The following ASIC3 variants were observed in gnomAD, a reference collection of about 807,000 sequenced individuals.
ASIC3 encodes the protein acid sensing ion channel subunit 3.
ASIC3 carries 46 observed loss-of-function variants against 58.6 expected under a neutral mutation model. The ratio of observed to expected loss-of-function variants is 0.79; its 90% confidence interval spans 0.62 to 1.00. The LOEUF (loss-of-function observed/expected upper bound fraction) is 1.00. ASIC3 is among the 50% of genes least tolerant of loss of function. The pLI, the probability that ASIC3 is intolerant of heterozygous loss-of-function variation, is 0.00. For missense variants in ASIC3, 770 were observed against 735.0 expected (o/e 1.05, Z -0.55); for synonymous variants, 336 against 300.2 (o/e 1.12, Z -1.23).
In ASIC3 at chr7:151,051,889, T is replaced by A. The variant is rs772144675; in HGVS notation, c.1294T>A (p.Ser432Thr). Residue 432 changes from serine (S) to threonine (T), a missense_variant, in exon 7 of 11, where the codon TCA becomes ACA. Transcript: ENST00000349064. ...TVEQKKAYEM[S>T]ELLGDIGGQM... ...GGAGCAGAAGAAGGCCTATGAGATG[T>A]CAGAGCTGCTTGGTGTGTGTGCAGG... 6.2e-7 allele frequency: 1 copy of A among 1,613,204 alleles called. No homozygotes were observed. Among genetic ancestry groups the A allele is most frequent in the South Asian group, 1.1e-5 (1 of 91,026 alleles).
chr7:151,051,005 G>A, intron 4 of ASIC3, 34 bp from the exon 5 acceptor site: 1 of 1,613,194 alleles, frequency 6.2e-7, no homozygotes, highest in Non-Finnish European at 8.5e-7. Flanking sequence ...GGGAGCTGAG[G>A]CTGCTTCTAA....
Position 151,050,334 on chromosome 7 carries a change from G to A in ASIC3, c.685+78G>A. ...CTAGGGGAAGGAGAGGAGGAGAGGAGGTGTCAGGGTGTTCCCCCAGAACCT... is the reference window on the plus strand; with the variant it reads ...CTAGGGGAAGGAGAGGAGGAGAGGAAGTGTCAGGGTGTTCCCCCAGAACCT... On this transcript the variant is annotated intron_variant, in intron 2 of 10. Coordinates refer to ENST00000349064, the MANE Select transcript of ASIC3 (RefSeq NM_004769.4). 1.9e-6 allele frequency: 3 copies of A among 1,554,542 alleles called. No homozygotes were observed. In the South Asian group the frequency reaches 3.6e-5, roughly 19 times the overall value.
rs774467659 is a variant in ASIC3 at position 151,049,371 on chromosome 7, G to T, written c.486G>T (p.Leu162=). The T allele has an allele frequency of 2.1e-5, 33 of 1,608,024 alleles. No individual in the cohort carries two copies. In the African/African-American group the frequency reaches 3.3e-4, roughly 16 times the overall value. Residue 162 remains leucine, a synonymous_variant, in exon 1 of 11, where the codon CTG becomes CTT. Transcript: ENST00000349064. The part of the protein sequence containing the change: ...RAGHSLDDML[L]DCRFRGQPCG... ...GGCACTCCCTGGATGACATGCTGCT[G>T]GACTGTCGCTTCCGTGGCCAACCTT...
In ASIC3 at chr7:151,052,245, C is replaced by T. The variant is rs778252681; in HGVS notation, c.1458+8C>T. ...CACTCCAGCACCAATCTGGTAACAG[C>T]CCCTCTTCTGGAGCCCTTGCCTGCT... On this transcript the variant is annotated splice_region_variant and intron_variant, in intron 9 of 10. Coordinates refer to ENST00000349064, the MANE Select transcript of ASIC3 (RefSeq NM_004769.4). This position sits in a 1 kb window ranked among gnomAD's most constrained non-coding sequence, Gnocchi z 5.0. 1 of 1,614,014 alleles carries T rather than the reference C, an allele frequency of 6.2e-7. No individual in the cohort carries two copies. Among genetic ancestry groups the T allele is most frequent in the Non-Finnish European group, 8.5e-7 (1 of 1,179,982 alleles).
intron 7 of ASIC3, 34 bp downstream of exon 7, chr7:151,051,935 G>A (rs368220067): frequency 5.6e-6 from 9 of 1,613,598 alleles, no homozygotes; most frequent in Non-Finnish European, 7.6e-6. Context: ...CTGGGGGGGT[G>A]TGGGCAGGCA....
In ASIC3 at chr7:151,050,870, C is replaced by T; in HGVS notation, c.926C>T (p.Pro309Leu). The change falls in exon 4 of 11, where the codon CCC (proline) becomes CTC (leucine). Residue 309 changes from proline (P) to leucine (L), a missense_variant. By Grantham distance (98) the Pro-to-Leu change is moderately conservative. Transcript: ENST00000349064. ...LGSPSPSPSP[P>L]YTLMGCRLAC... is the part of the protein sequence containing the mutation. ...TCCCCCAGCCCCAGCCCCAGCCCTC[C>T]CTATACCCTTATGGGGTGTCGCCTG... The T allele has an allele frequency of 6.2e-7, 1 of 1,613,438 alleles. No individual in the cohort carries two copies. The highest frequency in any genetic ancestry group is 1.3e-5 in the African/African-American group (1 of 75,062).
rs761260925 is a variant in ASIC3, at chr7:151,050,281, G to A, written c.685+25G>A. 2.4e-5 allele frequency: 39 copies of A among 1,603,936 alleles called. No homozygotes were observed. The South Asian group carries it at 3.8e-4, about 15-fold the overall frequency. Reference sequence around the variant, plus strand: ...GGTAGGGAGCACACAAATGAGGCTGGGGGAGGGCACGGATGGAGTGCAAAA... The same window carrying A: ...GGTAGGGAGCACACAAATGAGGCTGAGGGAGGGCACGGATGGAGTGCAAAA... On this transcript the variant is annotated intron_variant, in intron 2 of 10. Transcript: ENST00000349064.
At position 151,052,385 on chromosome 7, in the gene ASIC3, C is replaced by G; in HGVS notation, c.1459-31C>G. ...ACTGGTCCCTGGGAGGAGGACCACTCCCCACCTCTGACCCTCTCGTCCTCA... is the reference window on the plus strand; with the variant it reads ...ACTGGTCCCTGGGAGGAGGACCACTGCCCACCTCTGACCCTCTCGTCCTCA... On this transcript the variant is annotated intron_variant, in intron 9 of 10. Coordinates refer to ENST00000349064, the MANE Select transcript of ASIC3 (RefSeq NM_004769.4). The surrounding 1 kb of genome is among the most constrained non-coding windows in gnomAD (Gnocchi z 5.0). 2 of 1,613,744 alleles carry G rather than the reference C, an allele frequency of 1.2e-6. No individual in the cohort carries two copies. Among genetic ancestry groups the G allele is most frequent in the African/African-American group, 2.7e-5 (2 of 75,016 alleles).
Position 151,050,830 on chromosome 7 carries a change from T to C in ASIC3, c.886T>C (p.Ser296Pro), listed in dbSNP as rs900351231. The C allele has an allele frequency of 1.2e-6, 2 of 1,613,576 alleles. No homozygotes were observed. The highest frequency in any genetic ancestry group is 1.7e-6 in the Non-Finnish European group (2 of 1,179,850). The part of the protein sequence containing the change: ...SLNPNYEPEP[S>P]DPLGSPSPSP... ...GAACCCCAACTATGAGCCAGAGCCC[T>C]CTGATCCCCTAGGCTCCCCCAGCCC... Residue 296 changes from serine (S) to proline (P), a missense_variant, in exon 4 of 11, where the codon TCT becomes CCT. Transcript: ENST00000349064.
chr7:151,052,132 T>G lies in ASIC3; in HGVS notation c.1387-34T>G, dbSNP rs769745881. On this transcript the variant is annotated intron_variant, in intron 8 of 10. Transcript: ENST00000349064. The surrounding 1 kb of genome is among the most constrained non-coding windows in gnomAD (Gnocchi z 5.0). Reference sequence around the variant, plus strand: ...GGCCCCTAGGATGAGGGGGAAGGTGTGCACTGGCCACCTCCCATCCTGCTT... The same window carrying G: ...GGCCCCTAGGATGAGGGGGAAGGTGGGCACTGGCCACCTCCCATCCTGCTT... The G allele has an allele frequency of 5.0e-6, 8 of 1,613,438 alleles. 1 individual carries two copies. In the Admixed American group the frequency reaches 1.0e-4, roughly 20 times the overall value.
chr7:151,051,668 G>A (rs1042934971), intron 6 of ASIC3, 142 bp from the exon 7 acceptor site: 10 of 824,586 alleles, frequency 1.2e-5, no homozygotes, highest in Admixed American at 2.2e-5. Context: ...TCCTCCCAAA[G>A]TGCAGGGAGT....
chr7:151,051,281 C>T lies in ASIC3; in HGVS notation c.1176C>T (p.Phe392=). 6.6e-7 allele frequency: 1 copy of T among 1,526,388 alleles called. No homozygotes were observed. The highest frequency in any genetic ancestry group is 8.7e-7 in the Non-Finnish European group (1 of 1,144,856). The allele number at this position is 1,526,388 out of a possible 1,614,324, so 94.6% of individuals were successfully genotyped here. Reference sequence around the variant, plus strand: ...TCCCGAGCCGCGCCGCCGCGCGCTTCCTGGCCCGGAAGCTCAACCGCAGCG... The same window carrying T: ...TCCCGAGCCGCGCCGCCGCGCGCTTTCTGGCCCGGAAGCTCAACCGCAGCG... ...VRIPSRAAAR[F]LARKLNRSEA... The change falls in exon 6 of 11, where the codon TTC becomes TTT. Residue 392 remains phenylalanine, a synonymous_variant. Transcript: ENST00000349064.
intron 1 of ASIC3, 100 bp downstream of exon 1, chr7:151,049,519 C>A: frequency 7.1e-7 from 1 of 1,401,306 alleles, no homozygotes. Flanking sequence ...TCCCCCAAAG[C>A]CAGGGGACCT....
rs937275205 is a variant in ASIC3 at position 151,051,700 on chromosome 7, C to T, written c.1215-110C>T. The T allele has an allele frequency of 1.3e-4, 145 of 1,152,494 alleles. 2 individuals carry two copies. The highest frequency in any genetic ancestry group is 1.7e-4 in the Non-Finnish European group (137 of 790,382). The allele number at this position is 1,152,494 out of a possible 1,614,324, so 71.4% of individuals were successfully genotyped here. A position where few individuals can be genotyped will look rare whatever the true frequency, so the allele number is the denominator to read the frequency against. ...GAGTACAGGTGTGAGCCACCGTGCC[C>T]GGCCTCTCCCAGGGTTCTTGAAAGG... On this transcript the variant is annotated intron_variant, in intron 6 of 10. Transcript: ENST00000349064.
At chr7:151,051,457 G>A in intron 6 of ASIC3, 138 bp downstream of exon 6, 3 of 1,151,526 alleles carry the variant, frequency 2.6e-6, no homozygotes, top group Non-Finnish European at 3.5e-6. Flanking sequence ...CTGGGGCTCC[G>A]TGCTGGTTGC....
At chr7:151,050,286 G>A (rs905419892) in intron 2 of ASIC3, 30 bp downstream of exon 2, 13 of 1,599,644 alleles carry the variant, frequency 8.1e-6, no homozygotes, top group Admixed American at 1.7e-5. Context: ...GGCTGGGGGA[G>A]GGCACGGATG....
Position 151,051,096 on chromosome 7 carries a change from G to A in ASIC3, c.1066+1G>A. Reference sequence around the variant, plus strand: ...AAGAACTGTGCCCACCCGGCCATAGGTAAGGGCGAGCCTCCCCCACCTCCC... The same window carrying A: ...AAGAACTGTGCCCACCCGGCCATAGATAAGGGCGAGCCTCCCCCACCTCCC... On this transcript the variant is annotated splice_donor_variant, in intron 5 of 10. Transcript: ENST00000349064. LOFTEE classifies it high-confidence loss of function. The A allele has an allele frequency of 6.2e-7, 1 of 1,611,604 alleles. No individual in the cohort carries two copies. The highest frequency in any genetic ancestry group is 8.5e-7 in the Non-Finnish European group (1 of 1,179,716).
In ASIC3 at chr7:151,052,420, A is replaced by G. The variant is rs1342711125; in HGVS notation, c.1463A>G (p.Gln488Arg). The G allele has an allele frequency of 1.2e-6, 2 of 1,614,008 alleles. No homozygotes were observed. The highest frequency in any genetic ancestry group is 1.7e-6 in the Non-Finnish European group (2 of 1,179,944). The change falls in exon 10 of 11, where the codon CAG (glutamine) becomes CGG (arginine). Residue 488 changes from glutamine (Q) to arginine (R), a missense_variant. Coordinates refer to ENST00000349064, the MANE Select transcript of ASIC3 (RefSeq NM_004769.4). The surrounding 1 kb of genome is among the most constrained non-coding windows in gnomAD (Gnocchi z 5.0). ...GACCCTCTCGTCCTCACACAGCTTC[A>G]GGAAGGGCTGGGCAGCCATCGAACC... ...SQRHSSTNLLQEGLGSHRTQV... is the reference protein window; with the variant it reads ...SQRHSSTNLLREGLGSHRTQV...
chr7:151,051,727 G>A, intron 6 of ASIC3, 83 bp from the exon 7 acceptor site: 1 of 1,422,114 alleles, frequency 7.0e-7, no homozygotes, highest in Non-Finnish European at 9.8e-7. Context: ...CTTGAAAGGA[G>A]TGGGAGAACC....
Sources: gnomAD v4.1 joint callset for allele counts on GRCh38, gnomAD v4.1.1 for gene constraint, Gnocchi (gnomAD v3.1) non-coding constraint, MANE v1.5 for transcripts, NCBI Gene and HGNC (gene_info 2026-07-23, HGNC 2026-07-21) for gene names.